The following ASB5 variants were observed in gnomAD, a reference collection of about 807,000 sequenced individuals.
ASB5 encodes ankyrin repeat and SOCS box protein 5.
A neutral mutation model predicts 42.1 loss-of-function variants in ASB5; 45 were observed. That is an observed-to-expected ratio of 1.07 (90% confidence interval 0.84 to 1.37). The LOEUF (loss-of-function observed/expected upper bound fraction) is 1.37. Among genes scored for constraint, ASB5 ranks in the 40% most tolerant of loss-of-function variants. The pLI is 0.00. For missense variants in ASB5, 402 were observed against 399.8 expected (o/e 1.01, Z -0.05); for synonymous variants, 147 against 150.6 (o/e 0.98, Z 0.18).
At chr4:176,219,354 T>TAG (rs1753107824) in intron 5 of ASB5, among the ~76,000 whole-genome samples, 1 of 102,928 alleles carries the variant, frequency 9.7e-6, no homozygotes. Flanking sequence ...ATTTGTATGA[T>TAG]ATATAAATAT....
intron 5 of ASB5, among the ~76,000 whole-genome samples, chr4:176,218,623 T>C (rs1753062532): frequency 9.3e-6 from 1 of 107,486 alleles, no homozygotes; most frequent in Non-Finnish European, 1.7e-5. Context: ...GATATATAAA[T>C]ATATATTTGT....
chr4:176,239,892 A>G (rs1194696557), intron 1 of ASB5, among the ~76,000 whole-genome samples: 1 of 152,220 alleles, frequency 6.6e-6, no homozygotes, highest in Non-Finnish European at 1.5e-5. Context: ...AATTTTTAAA[A>G]ATGACTCCAT....
intron 1 of ASB5, among the ~76,000 whole-genome samples, chr4:176,247,953 A>T (rs1753943944): frequency 6.6e-6 from 1 of 152,186 alleles, no homozygotes; most frequent in Non-Finnish European, 1.5e-5. Context: ...CTCAATTTTA[A>T]AAAGGGGGAA....
chr4:176,266,815 AT>A (rs1754366044), intron 1 of ASB5, among the ~76,000 whole-genome samples: 1 of 152,068 alleles, frequency 6.6e-6, no homozygotes, highest in African/African-American at 2.4e-5. Context: ...TTTCCTATTG[AT>A]ATTGATTTCC....
At chr4:176,237,581 T>C in intron 1 of ASB5, 1 of 985,388 alleles carries the variant, frequency 1.0e-6, no homozygotes, top group Non-Finnish European at 1.2e-6. Context: ...CATTGAACTC[T>C]ATTCAGAAAC....
At chr4:176,254,849 G>A (rs1450473060) in intron 1 of ASB5, among the ~76,000 whole-genome samples, 3 of 152,074 alleles carry the variant, frequency 2.0e-5, no homozygotes, top group Admixed American at 6.6e-5. Flanking sequence ...ACCACAATGA[G>A]GGCCAGGTGC....
intron 1 of ASB5, among the ~76,000 whole-genome samples, chr4:176,267,644 T>A (rs1458365435): frequency 6.6e-6 from 1 of 152,150 alleles, no homozygotes; most frequent in Non-Finnish European, 1.5e-5. Flanking sequence ...AATATAGTTC[T>A]CTCTGTTCTA....
intron 1 of ASB5, among the ~76,000 whole-genome samples, chr4:176,232,793 C>G (rs1753583018): frequency 6.6e-6 from 1 of 152,058 alleles, no homozygotes; most frequent in Non-Finnish European, 1.5e-5. Context: ...TCCTTTTTCA[C>G]TTCTCTATTG....
chr4:176,274,803 T>G (rs1754535784), intron 2 of ASB5, among the ~76,000 whole-genome samples: 1 of 152,140 alleles, frequency 6.6e-6, no homozygotes, highest in Non-Finnish European at 1.5e-5. Flanking sequence ...GAAAGACTAT[T>G]GAAAGGGAAA....
chr4:176,264,859 A>G (rs141946906), intron 1 of ASB5, among the ~76,000 whole-genome samples: 2,476 of 152,272 alleles, frequency 0.016, 50 homozygotes, highest in Non-Finnish European at 0.022. Flanking sequence ...TGCTATTTAC[A>G]GGCATCATCA....
At chr4:176,247,658 A>C (rs1753938024) in intron 1 of ASB5, among the ~76,000 whole-genome samples, 1 of 152,220 alleles carries the variant, frequency 6.6e-6, no homozygotes, top group African/African-American at 2.4e-5. Context: ...CCATACAAAA[A>C]ATTAAATTCA....
At chr4:176,253,001 A>G (rs910414844) in intron 1 of ASB5, among the ~76,000 whole-genome samples, 35 of 152,356 alleles carry the variant, frequency 2.3e-4, no homozygotes, top group Middle Eastern at 3.4e-3. Context: ...GCATTACATT[A>G]AAGTGTGAGG....
intron 3 of ASB5, 80 bp downstream of exon 3, chr4:176,222,233 A>T (rs1168210860): frequency 3.8e-6 from 5 of 1,303,626 alleles, no homozygotes; most frequent in Non-Finnish European, 5.4e-6. Flanking sequence ...AGAATGAAGG[A>T]AAGAAAAGTA....
intron 1 of ASB5, among the ~76,000 whole-genome samples, chr4:176,267,682 A>G (rs1035618395): frequency 1.3e-5 from 2 of 152,178 alleles, no homozygotes; most frequent in African/African-American, 2.4e-5. Flanking sequence ...AAAGGGTTAA[A>G]TACAGCCTAT....
At chr4:176,225,198 G>A in intron 2 of ASB5, 64 bp downstream of exon 2, 1 of 1,317,620 alleles carries the variant, frequency 7.6e-7, no homozygotes, top group South Asian at 1.2e-5. Flanking sequence ...TGCATTGATT[G>A]GTTTTGACCA....
rs1329628743 is a variant in ASB5 at position 176,224,545 on chromosome 4, T to A, written c.276+717A>T. On this transcript the variant is annotated intron_variant, in intron 2 of 6. Coordinates refer to ENST00000296525, the MANE Select transcript of ASB5 (RefSeq NM_080874.4). ...CCACTGTGCCCAGCTATTTTTTTTTTAATTTGTAGTAGAGATGGAGTTTCA... is the reference window on the plus strand; with the variant it reads ...CCACTGTGCCCAGCTATTTTTTTTTAAATTTGTAGTAGAGATGGAGTTTCA... Among the ~76,000 whole-genome samples the A allele has an allele frequency of 1.2e-4, 16 of 128,960 alleles. No individual in the cohort carries two copies. The South Asian group carries it at 2.3e-3, about 18-fold the overall frequency. The allele number at this position is 128,960 out of a possible 152,430, so 84.6% of individuals were successfully genotyped here. A position where few individuals can be genotyped will look rare whatever the true frequency, so the allele number is the denominator to read the frequency against.
At position 176,215,677 on chromosome 4, in the gene ASB5, T is replaced by C. The variant is rs530740001; in HGVS notation, c.913A>G (p.Ile305Val). The C allele has an allele frequency of 8.1e-6, 13 of 1,613,296 alleles. No homozygotes were observed. Among genetic ancestry groups the C allele is most frequent in the African/African-American group, 4.0e-5 (3 of 75,032 alleles). ...QLCRLCIRSYIGKPRLHLIPQ... is the reference protein window; with the variant it reads ...QLCRLCIRSYVGKPRLHLIPQ... ...ATAAGGTGCAATCTTGGTTTTCCTA[T>C]GTAGCTTCGGATACAGAGTCGGCAA... Residue 305 changes from isoleucine to valine, a missense_variant, in exon 7 of 7, where the codon ATA (isoleucine) becomes GTA (valine). Coordinates refer to ENST00000296525, the MANE Select transcript of ASB5 (RefSeq NM_080874.4).
intron 5 of ASB5, among the ~76,000 whole-genome samples, chr4:176,217,454 A>C (rs150248757): frequency 6.6e-6 from 1 of 152,038 alleles, no homozygotes; most frequent in African/African-American, 2.4e-5. Flanking sequence ...CATTTATTTA[A>C]GGCAATGAAG....
intron 1 of ASB5, among the ~76,000 whole-genome samples, chr4:176,257,630 T>C (rs1420051764): frequency 6.6e-6 from 1 of 152,202 alleles, no homozygotes; most frequent in Non-Finnish European, 1.5e-5. Context: ...TGGCAAGCAT[T>C]GTATTTTCTG....
Sources: gnomAD v4.1 joint callset for allele counts (sites outside exome capture counted in the v4.1 genomes callset) on GRCh38, gnomAD v4.1.1 for gene constraint, MANE v1.5 for transcripts, NCBI Gene and HGNC (gene_info 2026-07-23, HGNC 2026-07-21) for gene names.